The following SLC7A13 variants were observed in gnomAD, a reference collection of about 807,000 sequenced individuals.
The protein encoded by SLC7A13 is X-amino acid transporter 2.
SLC7A13 carries 31 observed loss-of-function variants against 32.0 expected under a neutral mutation model. The observed-to-expected ratio is 0.97, with a 90% CI of 0.73 to 1.31. SLC7A13 has a LOEUF of 1.31. SLC7A13 is among the 50% of genes most tolerant of loss of function. The pLI is 0.00. For missense variants in SLC7A13, 633 were observed against 546.9 expected (o/e 1.16, Z -1.57); for synonymous variants, 232 against 206.9 (o/e 1.12, Z -1.04).
At chr8:86,228,712 G>A (rs558834428) in intron 1 of SLC7A13, among the ~76,000 whole-genome samples, 2 of 152,150 alleles carry the variant, frequency 1.3e-5, no homozygotes, top group South Asian at 4.2e-4. Flanking sequence ...CAGGCATCGT[G>A]GTGCACACGT....
chr8:86,215,650 C>G (rs911719554), intron 3 of SLC7A13: 4 of 443,566 alleles, frequency 9.0e-6, no homozygotes, highest in African/African-American at 4.1e-5. Flanking sequence ...CATGCCACTG[C>G]ACTCCAGCTT....
intron 2 of SLC7A13, 22 bp from the exon 3 acceptor site, chr8:86,217,853 C>A: frequency 1.3e-6 from 2 of 1,500,024 alleles, no homozygotes; most frequent in Non-Finnish European, 1.8e-6. Flanking sequence ...CAAAAATACA[C>A]AAAAGAAAAT....
intron 3 of SLC7A13, among the ~76,000 whole-genome samples, chr8:86,215,934 C>T (rs193291186): frequency 1.3e-5 from 2 of 152,050 alleles, no homozygotes; most frequent in Admixed American, 1.3e-4. Context: ...AATGTCAGAC[C>T]CTGGATTGTT....
chr8:86,214,417 T>C lies in SLC7A13; in HGVS notation c.1409A>G (p.Glu470Gly). ...AAGAGTTTGCACTTCCGACATCTAT[T>C]CCTCAGACACATCAGGGAGGCAAAT... ...FNICLPDVSEE is the reference protein window; with the variant it reads ...FNICLPDVSEG Residue 470 changes from glutamate (E) to glycine (G), a missense_variant, in exon 4 of 4, where the codon GAA becomes GGA. Coordinates refer to ENST00000297524, the MANE Select transcript of SLC7A13 (RefSeq NM_138817.3). 1 of 1,593,380 alleles carries C rather than the reference T, an allele frequency of 6.3e-7. No homozygotes were observed. Among genetic ancestry groups the C allele is most frequent in the Non-Finnish European group, 8.6e-7 (1 of 1,168,190 alleles).
intron 1 of SLC7A13, 107 bp downstream of exon 1, chr8:86,229,486 A>G (rs2954347): frequency 0.14 from 148,549 of 1,063,428 alleles, 11,324 homozygotes; most frequent in Non-Finnish European, 0.16. Context: ...CACAAAGAAG[A>G]AAGAAACATT....
intron 2 of SLC7A13, among the ~76,000 whole-genome samples, chr8:86,219,949 TACAAAA>T (rs1820265375): frequency 6.6e-6 from 1 of 152,164 alleles, no homozygotes; most frequent in African/African-American, 2.4e-5. Context: ...AGGATGATAT[TACAAAA>T]TTGCCCTCCA....
At chr8:86,223,200 G>A in intron 1 of SLC7A13, 97 bp from the exon 2 acceptor site, 1 of 1,217,156 alleles carries the variant, frequency 8.2e-7, no homozygotes, top group Non-Finnish European at 1.1e-6. Flanking sequence ...TAAATTAATG[G>A]GGTACAAGCA....
rs55902108 is a variant in SLC7A13 at position 86,223,054 on chromosome 8, C to A, written c.735G>T (p.Ala245=). The change falls in exon 2 of 4, where the codon GCG becomes GCT. Residue 245 remains alanine, a synonymous_variant. Transcript: ENST00000297524. ...RTTIPKCIFT[A]LPLVTVVYLL... ...AATAAACTACAGTCACCAGAGGTAA[C>A]GCAGTAAATATGCATTTGGGAATTG... is the stretch of plus-strand genomic sequence containing the variant. 4 of 1,606,158 alleles carry A rather than the reference C, an allele frequency of 2.5e-6. No individual in the cohort carries two copies. The highest frequency in any genetic ancestry group is 2.6e-6 in the Non-Finnish European group (3 of 1,176,210).
rs1820322748 is a variant in SLC7A13 at position 86,222,868 on chromosome 8, T to C, written c.817+104A>G. On this transcript the variant is annotated intron_variant, in intron 2 of 3. Coordinates refer to ENST00000297524, the MANE Select transcript of SLC7A13 (RefSeq NM_138817.3). The stretch of plus-strand genomic sequence containing the variant: ...TTTAGAAAATTATAAGTTGATTCCA[T>C]ATATAGAATAATGAACAGTAAACAG... 4.4e-6 allele frequency: 5 copies of C among 1,147,738 alleles called. No homozygotes were observed. In the South Asian group the frequency reaches 7.2e-5, roughly 16 times the overall value. 71.1% of individuals were successfully genotyped at this position (1,147,738 alleles called of 1,614,324 possible).
At chr8:86,225,320 A>C (rs1232788991) in intron 1 of SLC7A13, among the ~76,000 whole-genome samples, 1 of 152,152 alleles carries the variant, frequency 6.6e-6, no homozygotes, top group African/African-American at 2.4e-5. Flanking sequence ...CCCTGCCCGC[A>C]CCACTTTGGC....
intron 3 of SLC7A13, 96 bp downstream of exon 3, chr8:86,217,374 A>AT (rs1199489572): frequency 7.9e-6 from 9 of 1,144,026 alleles, no homozygotes; most frequent in Non-Finnish European, 1.1e-5. Context: ...GAGTATTCAG[A>AT]AGATCTACTT....
chr8:86,229,213 A>G (rs1820440861), intron 1 of SLC7A13, among the ~76,000 whole-genome samples: 1 of 151,990 alleles, frequency 6.6e-6, no homozygotes, highest in African/African-American at 2.4e-5. Context: ...TCAATGCGTC[A>G]TACCTACCTA....
intron 1 of SLC7A13, among the ~76,000 whole-genome samples, chr8:86,223,793 G>GCACACACACACACA (rs59737111): frequency 2.0e-5 from 3 of 147,008 alleles, no homozygotes; most frequent in African/African-American, 7.5e-5. Context: ...ACACTAAAAT[G>GCACACACACACACA]CACACACACA....
intron 1 of SLC7A13, among the ~76,000 whole-genome samples, chr8:86,227,987 G>C (rs1359627762): frequency 6.6e-6 from 1 of 152,172 alleles, no homozygotes; most frequent in African/African-American, 2.4e-5. Context: ...ATTGGGTACA[G>C]TGTTCATTGT....
chr8:86,223,472 T>C (rs1006263794), intron 1 of SLC7A13, among the ~76,000 whole-genome samples: 1 of 152,174 alleles, frequency 6.6e-6, no homozygotes. Context: ...TCCAGCTGCA[T>C]TCATGTTGCT....
rs139654234 is a variant in SLC7A13 at position 86,220,401 on chromosome 8, A to G, written c.818-2570T>C. ...CCCTTCTCAGTTGTGAAACTTATTCATAATAAAGGCTATTTTATTTCCTAA... is the reference window on the plus strand; with the variant it reads ...CCCTTCTCAGTTGTGAAACTTATTCGTAATAAAGGCTATTTTATTTCCTAA... On this transcript the variant is annotated intron_variant, in intron 2 of 3. Transcript: ENST00000297524. Among the ~76,000 whole-genome samples, 215 of 152,258 alleles carry G rather than the reference A, an allele frequency of 1.4e-3. 6 individuals are homozygous for G. The East Asian group carries it at 0.039, about 28-fold the overall frequency.
chr8:86,219,188 C>T (rs1820246152), intron 2 of SLC7A13, among the ~76,000 whole-genome samples: 2 of 152,106 alleles, frequency 1.3e-5, no homozygotes, highest in South Asian at 4.1e-4. Context: ...CCTGGACACC[C>T]ATACCTCCAC....
chr8:86,215,293 A>G (rs945211769), intron 3 of SLC7A13, among the ~76,000 whole-genome samples: 1 of 152,206 alleles, frequency 6.6e-6, no homozygotes, highest in African/African-American at 2.4e-5. Context: ...TATAACTGAT[A>G]TGAATCTATA....
intron 3 of SLC7A13, among the ~76,000 whole-genome samples, 180 bp downstream of exon 3, chr8:86,217,290 T>C (rs548521452): frequency 6.6e-6 from 1 of 152,304 alleles, no homozygotes; most frequent in Non-Finnish European, 1.5e-5. Context: ...GAGATTTTTA[T>C]ATTGAATAAC....
Sources: gnomAD v4.1 joint callset for allele counts (sites outside exome capture counted in the v4.1 genomes callset) on GRCh38, gnomAD v4.1.1 for gene constraint, MANE v1.5 for transcripts, NCBI Gene and HGNC (gene_info 2026-07-23, HGNC 2026-07-21) for gene names.